Variants in NKAIN3 observed in about 807,000 individuals in gnomAD.
NKAIN3 encodes sodium/potassium transporting ATPase interacting 3, also known as sodium/potassium-transporting ATPase subunit beta-1-interacting protein 3.
Under a neutral mutation model 30.2 loss-of-function variants are expected in NKAIN3, and 25 were observed. That is an observed-to-expected ratio of 0.83 (90% CI 0.60 to 1.16). NKAIN3 has a LOEUF of 1.16. NKAIN3 is among the 50% of genes most tolerant of loss of function. The pLI is 0.00. For synonymous variants in NKAIN3, 91 were observed against 89.6 expected (o/e 1.02, Z -0.09); for missense variants, 225 against 254.1 (o/e 0.89, Z 0.78).
At chr8:62,358,405 G>A (rs1245986566) in intron 1 of NKAIN3, among the ~76,000 whole-genome samples, 3 of 152,090 alleles carry the variant, frequency 2.0e-5, no homozygotes, top group African/African-American at 7.2e-5. Flanking sequence ...TTTAATGGTG[G>A]TTGATAAGGT....
chr8:62,736,453 A>G (rs1308100645), intron 3 of NKAIN3, among the ~76,000 whole-genome samples: 2 of 152,118 alleles, frequency 1.3e-5, no homozygotes, highest in African/African-American at 4.8e-5. Context: ...GTTGCCAAGG[A>G]AGTGGGCAAA....
At chr8:62,621,674 T>A (rs1811621936) in intron 3 of NKAIN3, among the ~76,000 whole-genome samples, 1 of 152,100 alleles carries the variant, frequency 6.6e-6, no homozygotes, top group African/African-American at 2.4e-5. Flanking sequence ...ATACAGAAGA[T>A]CTTGTGTACC....
chr8:62,814,061 T>C (rs1429242951), intron 4 of NKAIN3, among the ~76,000 whole-genome samples: 1 of 152,086 alleles, frequency 6.6e-6, no homozygotes, highest in Non-Finnish European at 1.5e-5. Context: ...TCTTGCTGTT[T>C]TCAGATTTTT....
At chr8:62,281,594 C>A (rs916581331) in intron 1 of NKAIN3, among the ~76,000 whole-genome samples, 2 of 152,126 alleles carry the variant, frequency 1.3e-5, no homozygotes, top group African/African-American at 4.8e-5. Flanking sequence ...TCATTGGTTT[C>A]AAAGAACATC....
At chr8:62,505,291 CA>C (rs1457390864) in intron 1 of NKAIN3, among the ~76,000 whole-genome samples, 13 of 152,058 alleles carry the variant, frequency 8.5e-5, no homozygotes, top group Non-Finnish European at 1.8e-4. Flanking sequence ...TATTGAAAAG[CA>C]ACTAACAAGA....
At chr8:62,263,300 A>C (rs1812500420) in intron 1 of NKAIN3, among the ~76,000 whole-genome samples, 1 of 152,188 alleles carries the variant, frequency 6.6e-6, no homozygotes, top group African/African-American at 2.4e-5. Context: ...AAGGTCTTAT[A>C]AAAACAGAAA....
chr8:62,407,712 T>C (rs1804118398), intron 1 of NKAIN3, among the ~76,000 whole-genome samples: 1 of 152,206 alleles, frequency 6.6e-6, no homozygotes, highest in South Asian at 2.1e-4. Flanking sequence ...ATTACAGGCG[T>C]GAGCCCCCGT....
chr8:62,598,105 T>C (rs1443504701), intron 3 of NKAIN3, among the ~76,000 whole-genome samples: 5 of 152,010 alleles, frequency 3.3e-5, no homozygotes, highest in Non-Finnish European at 5.9e-5. Flanking sequence ...CTCCTTAGTT[T>C]AGCAAGGTAC....
intron 3 of NKAIN3, among the ~76,000 whole-genome samples, chr8:62,701,788 C>G (rs936358130): frequency 1.3e-5 from 2 of 152,346 alleles, no homozygotes; most frequent in Non-Finnish European, 2.9e-5. Flanking sequence ...GCTGCACATT[C>G]TTCAAAATCT....
intron 3 of NKAIN3, among the ~76,000 whole-genome samples, chr8:62,593,252 A>G (rs1400840798): frequency 6.6e-6 from 1 of 152,000 alleles, no homozygotes; most frequent in Non-Finnish European, 1.5e-5. Flanking sequence ...CACCACAAAT[A>G]CAAGAGTAAT....
At chr8:62,834,185 A>C (rs1819285699) in intron 4 of NKAIN3, among the ~76,000 whole-genome samples, 1 of 152,138 alleles carries the variant, frequency 6.6e-6, no homozygotes, top group Non-Finnish European at 1.5e-5. Flanking sequence ...TCAAAATAGT[A>C]AGAACGGTCT....
chr8:62,520,155 T>C (rs1459872779), intron 1 of NKAIN3, among the ~76,000 whole-genome samples: 1 of 152,130 alleles, frequency 6.6e-6, no homozygotes, highest in African/African-American at 2.4e-5. Context: ...TATGTAGATA[T>C]CCTTAAAATC....
intron 1 of NKAIN3, among the ~76,000 whole-genome samples, chr8:62,401,241 A>G (rs1011235143): frequency 6.6e-6 from 1 of 152,056 alleles, no homozygotes; most frequent in African/African-American, 2.4e-5. Flanking sequence ...GCAGTGAGTC[A>G]ATTGCATTTT....
chr8:62,945,524 T>C lies in NKAIN3; in HGVS notation c.533-8378T>C, dbSNP rs921122668. Reference sequence around the variant, plus strand: ...AAGTTAAGGTTCCAGATGGCTGAGATAAATGCCTGTCCTTGCAAACTGGAA... The same window carrying C: ...AAGTTAAGGTTCCAGATGGCTGAGACAAATGCCTGTCCTTGCAAACTGGAA... On this transcript the variant is annotated intron_variant, in intron 5 of 6. Transcript: ENST00000623646. Among the ~76,000 whole-genome samples, 11 of 152,172 alleles carry C rather than the reference T, an allele frequency of 7.2e-5. 1 individual carries two copies. Among genetic ancestry groups the C allele is most frequent in the Non-Finnish European group, 1.6e-4 (11 of 68,040 alleles).
chr8:62,957,267 G>A (rs965776114), intron 6 of NKAIN3, among the ~76,000 whole-genome samples: 4 of 152,094 alleles, frequency 2.6e-5, no homozygotes, highest in East Asian at 3.9e-4. Context: ...CTGAGTAGCT[G>A]GGACTATAGG....
intron 4 of NKAIN3, among the ~76,000 whole-genome samples, chr8:62,811,308 A>G (rs1312763351): frequency 6.6e-6 from 1 of 152,162 alleles, no homozygotes; most frequent in Non-Finnish European, 1.5e-5. Flanking sequence ...TTGGGCCATT[A>G]CAAATAAAGC....
intron 5 of NKAIN3, among the ~76,000 whole-genome samples, chr8:62,937,804 G>A (rs1176656092): frequency 6.6e-6 from 1 of 152,022 alleles, no homozygotes; most frequent in East Asian, 1.9e-4. Context: ...TGTAGCCTGG[G>A]GCAAGTTCTC....
intron 1 of NKAIN3, among the ~76,000 whole-genome samples, chr8:62,518,821 A>C (rs918141274): frequency 2.0e-5 from 3 of 152,076 alleles, no homozygotes; most frequent in Admixed American, 6.6e-5. Flanking sequence ...TAAGGAAACA[A>C]ATTTTTTAGT....
At chr8:62,821,194 A>T (rs2130730978) in intron 4 of NKAIN3, among the ~76,000 whole-genome samples, 1 of 152,244 alleles carries the variant, frequency 6.6e-6, no homozygotes, top group Non-Finnish European at 1.5e-5. Context: ...GTATCTACAA[A>T]GTCAATTCTC....
Sources: gnomAD v4.1 joint callset for allele counts (sites outside exome capture counted in the v4.1 genomes callset) on GRCh38, gnomAD v4.1.1 for gene constraint, MANE v1.5 for transcripts, NCBI Gene and HGNC (gene_info 2026-07-23, HGNC 2026-07-21) for gene names.